The following NDST3 variants were observed in gnomAD, a reference collection of about 807,000 sequenced individuals.
NDST3 encodes N-deacetylase and N-sulfotransferase 3.
Under a neutral mutation model 96.1 loss-of-function variants are expected in NDST3, and 58 were observed. That is an observed-to-expected ratio of 0.60 (90% confidence interval 0.49 to 0.75). NDST3 has a LOEUF of 0.75. Among genes scored for constraint, NDST3 ranks in the 30% least tolerant of loss-of-function variants. The pLI, the probability that NDST3 is intolerant of heterozygous loss-of-function variation, is 0.00. For synonymous variants in NDST3, 333 were observed against 359.7 expected (o/e 0.93, Z 0.84); for missense variants, 788 against 1,034.2 (o/e 0.76, Z 3.27).
intron 2 of NDST3, among the ~76,000 whole-genome samples, chr4:118,074,732 A>C (rs1210187397): frequency 6.6e-6 from 1 of 152,122 alleles, no homozygotes; most frequent in Non-Finnish European, 1.5e-5. Flanking sequence ...AATTTAGCCC[A>C]TTTATATTCA....
chr4:118,194,830 G>T, intron 6 of NDST3: 1 of 342,480 alleles, frequency 2.9e-6, no homozygotes, highest in South Asian at 4.1e-5. Context: ...GCTACCTTCA[G>T]GGTGTGCAGG....
intron 4 of NDST3, among the ~76,000 whole-genome samples, chr4:118,115,210 C>T (rs1730990754): frequency 6.6e-6 from 1 of 152,106 alleles, no homozygotes; most frequent in African/African-American, 2.4e-5. Flanking sequence ...ACATTATGGT[C>T]AGAGCACCTA....
At chr4:118,110,982 C>A (rs1475830302) in intron 3 of NDST3, among the ~76,000 whole-genome samples, 2 of 152,086 alleles carry the variant, frequency 1.3e-5, no homozygotes, top group Non-Finnish European at 2.9e-5. Context: ...ACTACACAGC[C>A]ATTAAAAAAG....
At chr4:118,216,136 A>G (rs1215542222) in intron 6 of NDST3, among the ~76,000 whole-genome samples, 1 of 152,178 alleles carries the variant, frequency 6.6e-6, no homozygotes, top group Non-Finnish European at 1.5e-5. Flanking sequence ...AAAGTCTCAT[A>G]TTTGCAGAGC....
At chr4:118,078,549 G>A (rs886629996) in intron 2 of NDST3, among the ~76,000 whole-genome samples, 6 of 152,066 alleles carry the variant, frequency 3.9e-5, no homozygotes, top group African/African-American at 1.4e-4. Context: ...TCAGGAGCTC[G>A]AGACCAGCCT....
intron 6 of NDST3, among the ~76,000 whole-genome samples, chr4:118,160,622 A>C (rs1445062213): frequency 1.3e-5 from 2 of 152,234 alleles, no homozygotes; most frequent in Admixed American, 6.5e-5. Flanking sequence ...CATTCATTTC[A>C]TCTTCCATCA....
intron 6 of NDST3, among the ~76,000 whole-genome samples, chr4:118,211,114 T>C (rs1038731180): frequency 1.3e-5 from 2 of 152,112 alleles, no homozygotes; most frequent in Non-Finnish European, 2.9e-5. Flanking sequence ...CTCAGGAGGA[T>C]GAGAGGAGCA....
chr4:118,106,146 T>C (rs1035645537), intron 3 of NDST3, among the ~76,000 whole-genome samples: 7 of 152,184 alleles, frequency 4.6e-5, no homozygotes, highest in Non-Finnish European at 1.0e-4. Flanking sequence ...CTTAATGATT[T>C]GTAGAAATTC....
chr4:118,079,857 T>C (rs952639223), intron 2 of NDST3, among the ~76,000 whole-genome samples: 1 of 152,082 alleles, frequency 6.6e-6, no homozygotes, highest in Non-Finnish European at 1.5e-5. Context: ...TTGAGACATA[T>C]TGAAAATGTA....
chr4:118,039,335 T>C (rs1396215735), intron 1 of NDST3, among the ~76,000 whole-genome samples: 7 of 152,218 alleles, frequency 4.6e-5, no homozygotes, highest in African/African-American at 1.7e-4. Flanking sequence ...TAGCTGTTCA[T>C]AGAAGATGGT....
chr4:118,174,589 A>G (rs904778259), intron 6 of NDST3, among the ~76,000 whole-genome samples: 1 of 152,178 alleles, frequency 6.6e-6, no homozygotes, highest in African/African-American at 2.4e-5. Flanking sequence ...GTGAAAGGTG[A>G]TGGAATATTT....
Position 118,053,838 on chromosome 4 carries a change from A to G in NDST3, c.-73A>G, listed in dbSNP as rs191175575. The G allele has an allele frequency of 1.8e-4, 269 of 1,482,666 alleles. 2 individuals carry two copies. In the African/African-American group the frequency reaches 3.4e-3, roughly 19 times the overall value. The allele number at this position is 1,482,666 out of a possible 1,614,324, so 91.8% of individuals were successfully genotyped here. A position where few individuals can be genotyped will look rare whatever the true frequency, so the allele number is the denominator to read the frequency against. Reference sequence around the variant, plus strand: ...AACTCTTGACAGAGATTGGAAAAGTAGCTGGAACACCATCTTTTCTTTTAA... The same window carrying G: ...AACTCTTGACAGAGATTGGAAAAGTGGCTGGAACACCATCTTTTCTTTTAA... On this transcript the variant is annotated 5_prime_UTR_variant, in exon 2 of 14. Coordinates refer to ENST00000296499, the MANE Select transcript of NDST3 (RefSeq NM_004784.3).
chr4:118,057,151 T>A (rs935508753), intron 2 of NDST3, among the ~76,000 whole-genome samples: 2 of 152,080 alleles, frequency 1.3e-5, no homozygotes, highest in Admixed American at 6.6e-5. Context: ...ATTGGCTGAA[T>A]GGAGATGAAA....
chr4:118,238,155 AAAAGAAAGAAAGAAAG>A (rs552263074), intron 10 of NDST3, among the ~76,000 whole-genome samples: 10,156 of 91,028 alleles, frequency 0.11, 703 homozygotes, highest in African/African-American at 0.14. Context: ...GAAAAGAAAG[AAAAGAAAGAAAGAAAG>A]AAAGAAAGAA....
At chr4:118,064,546 T>C (rs912643311) in intron 2 of NDST3, among the ~76,000 whole-genome samples, 1 of 152,106 alleles carries the variant, frequency 6.6e-6, no homozygotes, top group African/African-American at 2.4e-5. Context: ...ATTTTTAAAA[T>C]TAAAATTAAA....
At chr4:118,254,039 G>A (rs544411469) in intron 13 of NDST3, among the ~76,000 whole-genome samples, 18 of 152,136 alleles carry the variant, frequency 1.2e-4, no homozygotes, top group African/African-American at 3.4e-4. Context: ...TCAGGAGTTC[G>A]AGACCAGCCT....
chr4:118,242,232 C>A, intron 12 of NDST3, 83 bp downstream of exon 12: 1 of 887,664 alleles, frequency 1.1e-6, no homozygotes. Context: ...ATACAACTGT[C>A]AGGTTACTTG....
intron 2 of NDST3, among the ~76,000 whole-genome samples, chr4:118,085,783 T>C (rs1306351925): frequency 1.3e-5 from 2 of 152,218 alleles, no homozygotes; most frequent in Admixed American, 6.5e-5. Context: ...TAACATGGTC[T>C]CATGAGAAAA....
intron 2 of NDST3, among the ~76,000 whole-genome samples, chr4:118,079,347 G>A (rs903944446): frequency 1.3e-5 from 2 of 152,192 alleles, no homozygotes; most frequent in African/African-American, 2.4e-5. Context: ...AGCACAAGGG[G>A]AATGCTGATT....
Sources: allele counts gnomAD v4.1 joint callset (sites outside exome capture counted in the v4.1 genomes callset), GRCh38; gene constraint gnomAD v4.1.1; transcripts MANE v1.5; gene names NCBI Gene and HGNC (gene_info 2026-07-23, HGNC 2026-07-21).